The following CD34 variants were observed in gnomAD, a reference collection of about 807,000 sequenced individuals.
CD34 encodes the protein hematopoietic progenitor cell antigen CD34.
A neutral mutation model predicts 40.1 loss-of-function variants in CD34; 34 were observed. That is an observed-to-expected ratio of 0.85 (90% CI 0.65 to 1.13). CD34 has a LOEUF of 1.13. CD34 is among the 50% of genes most tolerant of loss of function. The probability of loss-of-function intolerance (pLI) is 0.00; values close to 1 mark genes in which losing one functional copy is unlikely to be tolerated. For synonymous variants in CD34, 209 were observed against 190.0 expected, an observed-to-expected ratio of 1.10 and a Z score of -0.82; for missense variants, 426 against 466.9, an observed-to-expected ratio of 0.91 and a Z score of 0.81.
intron 1 of CD34, 68 bp downstream of exon 1, chr1:207,910,934 G>A: frequency 6.9e-7 from 1 of 1,443,790 alleles, no homozygotes; most frequent in Non-Finnish European, 9.4e-7. Flanking sequence ...CTGCTGTTCA[G>A]CCTCCCAGAA....
chr1:207,881,307 G>A lies in CD34; in HGVS notation c.*6431C>T, dbSNP rs1255045792. 2 of 152,158 alleles carry A rather than the reference G, an allele frequency of 1.3e-5. No homozygotes were observed. The highest frequency in any genetic ancestry group is 2.9e-5 in the Non-Finnish European group (2 of 68,026). The allele number at this position is 152,158 out of a possible 1,614,324, so 9.4% of individuals were successfully genotyped here. The stretch of plus-strand genomic sequence containing the variant: ...CATTCTTTCACAAGTATACAGTGGA[G>A]TGTTTCAGAGGCTACCCATCATATC... On this transcript the variant is annotated 3_prime_UTR_variant, in exon 8 of 8. Coordinates refer to ENST00000310833, the MANE Select transcript of CD34 (RefSeq NM_001025109.2).
At position 207,897,480 on chromosome 1, in the gene CD34, G is replaced by T; in HGVS notation, c.597+13C>A. 2 of 1,548,406 alleles carry T rather than the reference G, an allele frequency of 1.3e-6. No individual in the cohort carries two copies. The highest frequency in any genetic ancestry group is 1.8e-6 in the Non-Finnish European group (2 of 1,142,250). On this transcript the variant is annotated intron_variant, in intron 4 of 7. Coordinates refer to ENST00000310833, the MANE Select transcript of CD34 (RefSeq NM_001025109.2). ...GGGGCGGGAGGAAGAGGTTGGGTGG[G>T]GGGTTGACTTACACAGCTGGAGGTC... is the stretch of plus-strand genomic sequence containing the variant.
rs184763697 is a variant in CD34, at chr1:207,899,118, G to C, written c.371C>G (p.Pro124Arg). ...TSVISTVFTTPANVSTPETTL... is the reference protein window; with the variant it reads ...TSVISTVFTTRANVSTPETTL... ...TGTCTCTGGAGTTGAAACGTTGGCT[G>C]GGGTGGTGAACACTGTGCTGATTAC... Residue 124 changes from proline (P) to arginine (R), a missense_variant, in exon 3 of 8, where the codon CCA (proline) becomes CGA (arginine). Coordinates refer to ENST00000310833, the MANE Select transcript of CD34 (RefSeq NM_001025109.2). 1 of 1,614,172 alleles carries C rather than the reference G, an allele frequency of 6.2e-7. No individual in the cohort carries two copies. The highest frequency in any genetic ancestry group is 1.3e-5 in the African/African-American group (1 of 75,044).
chr1:207,898,233 C>T (rs993977635), intron 3 of CD34, among the ~76,000 whole-genome samples: 4 of 151,864 alleles, frequency 2.6e-5, no homozygotes, highest in African/African-American at 4.8e-5. Flanking sequence ...TTGGTAGAGA[C>T]GGGGTTTCAC....
intron 1 of CD34, among the ~76,000 whole-genome samples, chr1:207,901,448 G>A (rs1558122109): frequency 6.6e-6 from 1 of 152,270 alleles, no homozygotes; most frequent in Non-Finnish European, 1.5e-5. Flanking sequence ...ACTGCTTGCA[G>A]GGAGAAGAGT....
At chr1:207,897,456 G>A (rs1478984999) in intron 4 of CD34, 37 bp downstream of exon 4, 1 of 1,407,486 alleles carries the variant, frequency 7.1e-7, no homozygotes, top group Non-Finnish European at 9.8e-7. Context: ...AAAGGGACAG[G>A]GGCGGGAGGA....
chr1:207,889,964 A>T, intron 4 of CD34: 1 of 1,459,636 alleles, frequency 6.9e-7, no homozygotes, highest in Non-Finnish European at 9.0e-7. Context: ...TTAATAATGC[A>T]ATAATAACTA....
At position 207,899,836 on chromosome 1, in the gene CD34, T is replaced by C. The variant is rs750366745; in HGVS notation, c.247A>G (p.Thr83Ala). Residue 83 changes from threonine to alanine, a missense_variant, in exon 2 of 8, where the codon ACA becomes GCA. Transcript: ENST00000310833. The stretch of plus-strand genomic sequence containing the variant: ...CTGTTTTTACCTGTGATGTTTGTTG[T>C]GGCCTCATTGCCATGTTGAGACACA... ...HPVSQHGNEA[T>A]TNITETTVKF... is the part of the protein sequence containing the mutation. The C allele has an allele frequency of 1.6e-5, 26 of 1,611,476 alleles. No individual in the cohort carries two copies. The highest frequency in any genetic ancestry group is 2.2e-5 in the Non-Finnish European group (26 of 1,178,972).
rs41274808 is a variant in CD34 at position 207,886,950 on chromosome 1, T to C, written c.*788A>G. On this transcript the variant is annotated 3_prime_UTR_variant, in exon 8 of 8. Transcript: ENST00000310833. ...AGAGGATTTTTCGGAAGAGTACAGG[T>C]GAGAGGCTCAGCTCCAAGACCTGGT... is the stretch of plus-strand genomic sequence containing the variant. The C allele has an allele frequency of 4.2e-3, 641 of 152,248 alleles. 3 individuals are homozygous for C. Among genetic ancestry groups the C allele is most frequent in the Middle Eastern group, 0.014 (4 of 290 alleles). 9.4% of individuals were successfully genotyped at this position (152,248 alleles called of 1,614,324 possible).
chr1:207,909,477 T>C (rs1239485478), intron 1 of CD34, among the ~76,000 whole-genome samples: 2 of 152,146 alleles, frequency 1.3e-5, no homozygotes, highest in Non-Finnish European at 2.9e-5. Context: ...GCCAGGATCT[T>C]GGCTCGCTGC....
intron 3 of CD34, among the ~76,000 whole-genome samples, chr1:207,898,768 G>T (rs908915960): frequency 3.3e-5 from 5 of 152,174 alleles, no homozygotes; most frequent in African/African-American, 1.2e-4. Context: ...CCCAAAGCCT[G>T]GATGGGCCTT....
intron 4 of CD34, chr1:207,890,516 G>C (rs972997396): frequency 6.6e-6 from 1 of 152,424 alleles, no homozygotes; most frequent in Non-Finnish European, 1.5e-5. Flanking sequence ...TCCTGTTTGC[G>C]GGCAGGGCCG....
intron 1 of CD34, among the ~76,000 whole-genome samples, chr1:207,908,402 C>A (rs1012221096): frequency 6.6e-6 from 1 of 152,254 alleles, no homozygotes; most frequent in African/African-American, 2.4e-5. Context: ...GGTCCCCAAG[C>A]CTGCTCCTCC....
At chr1:207,907,627 T>C (rs2267896) in intron 1 of CD34, among the ~76,000 whole-genome samples, 21,807 of 152,230 alleles carry the variant, frequency 0.14, 2,635 homozygotes, top group African/African-American at 0.32. Context: ...GGGAAGTAAC[T>C]CATTCCGACG....
intron 3 of CD34, among the ~76,000 whole-genome samples, chr1:207,898,138 C>T (rs909245810): frequency 1.3e-5 from 2 of 151,986 alleles, no homozygotes; most frequent in Non-Finnish European, 2.9e-5. Context: ...CTCCACCTCC[C>T]TGGTTCAAGT....
chr1:207,889,849 T>C, intron 4 of CD34: 1 of 1,570,450 alleles, frequency 6.4e-7, no homozygotes, highest in Non-Finnish European at 8.6e-7. Flanking sequence ...TCTTCTAGTA[T>C]CTAAGATGTT....
rs554263447 is a variant in CD34 at position 207,890,993 on chromosome 1, A to G, written c.598-1372T>C. On this transcript the variant is annotated intron_variant, in intron 4 of 7. Coordinates refer to ENST00000310833, the MANE Select transcript of CD34 (RefSeq NM_001025109.2). ...CCACCTCTCTAAACCCAGTTGTCTC[A>G]GGGGAGCCTTACATGGCTTCCCCTT... Among the ~76,000 whole-genome samples, 8 of 152,292 alleles carry G rather than the reference A, an allele frequency of 5.3e-5. No homozygotes were observed. In the East Asian group the frequency reaches 1.4e-3, roughly 26 times the overall value.
At position 207,899,154 on chromosome 1, in the gene CD34, G is replaced by C. The variant is rs373770382; in HGVS notation, c.335C>G (p.Ser112Ter). Residue 112 changes from serine (S) to a stop codon, truncating the protein, a stop_gained, in exon 3 of 8, where the codon TCA (serine) becomes TGA (stop). Coordinates refer to ENST00000310833, the MANE Select transcript of CD34 (RefSeq NM_001025109.2). LOFTEE classifies it high-confidence loss of function. Reference protein sequence around the residue: ...VYGNTNSSVQSQTSVISTVFT... With the variant: ...VYGNTNSSVQ ...CACTGTGCTGATTACAGAGGTCTGTGACTGGACAGAAGAGTTTGTGTTTCC... is the reference window on the plus strand; with the variant it reads ...CACTGTGCTGATTACAGAGGTCTGTCACTGGACAGAAGAGTTTGTGTTTCC... 1 of 1,614,116 alleles carries C rather than the reference G, an allele frequency of 6.2e-7. No homozygotes were observed. Among genetic ancestry groups the C allele is most frequent in the Non-Finnish European group, 8.5e-7 (1 of 1,179,942 alleles).
At position 207,887,653 on chromosome 1, in the gene CD34, A is replaced by G; in HGVS notation, c.*85T>C. 6.4e-7 allele frequency: 1 copy of G among 1,570,930 alleles called. No homozygotes were observed. The highest frequency in any genetic ancestry group is 1.3e-5 in the African/African-American group (1 of 74,514). On this transcript the variant is annotated 3_prime_UTR_variant, in exon 8 of 8. Coordinates refer to ENST00000310833, the MANE Select transcript of CD34 (RefSeq NM_001025109.2). The stretch of plus-strand genomic sequence containing the variant: ...GGAAGGGTTGGGCGTAAGAGATGTC[A>G]CCTCCAGCATGGGGGTAGCACGTGG...
Sources: allele counts gnomAD v4.1 joint callset (sites outside exome capture counted in the v4.1 genomes callset), GRCh38; gene constraint gnomAD v4.1.1; transcripts MANE v1.5; gene names NCBI Gene and HGNC (gene_info 2026-07-23, HGNC 2026-07-21).